NCALD: variants seen among roughly 807,000 people sequenced by gnomAD.
NCALD encodes the protein neurocalcin delta.
In NCALD, 10 loss-of-function variants were observed where a neutral mutation model predicts 18.6. That is an observed-to-expected ratio of 0.54 (90% CI 0.33 to 0.91). The LOEUF is 0.91. Ranked by LOEUF, NCALD falls within the 40% of genes least tolerant of loss-of-function variation. The pLI, the probability that NCALD is intolerant of heterozygous loss-of-function variation, is 0.03. For synonymous variants in NCALD, 88 were observed against 87.4 expected (o/e 1.01, Z -0.04); for missense variants, 184 against 247.6 (o/e 0.74, Z 1.72).
intron 4 of NCALD, among the ~76,000 whole-genome samples, chr8:101,834,063 C>G (rs1814303518): frequency 6.6e-6 from 1 of 152,140 alleles, no homozygotes; most frequent in Non-Finnish European, 1.5e-5. Flanking sequence ...TAACTGGCAA[C>G]AAAGATCTAG....
intron 4 of NCALD, among the ~76,000 whole-genome samples, chr8:101,868,217 C>A (rs1007425319): frequency 2.0e-5 from 3 of 152,038 alleles, no homozygotes; most frequent in African/African-American, 7.2e-5. Flanking sequence ...ACTTAGAGGG[C>A]CCCACTTTTG....
intron 4 of NCALD, among the ~76,000 whole-genome samples, chr8:101,876,899 G>A (rs478917): frequency 0.26 from 39,764 of 152,022 alleles, 5,602 homozygotes; most frequent in East Asian, 0.38. Flanking sequence ...ATCAGCCTCA[G>A]CAACCGATGA....
intron 1 of NCALD, among the ~76,000 whole-genome samples, chr8:101,730,612 C>T (rs920869021): frequency 2.0e-5 from 3 of 151,484 alleles, no homozygotes; most frequent in African/African-American, 4.9e-5. Context: ...ATCAATTGAG[C>T]ACTGCCCTTG....
chr8:101,988,867 G>A (rs1004303300), intron 2 of NCALD, among the ~76,000 whole-genome samples: 9 of 143,330 alleles, frequency 6.3e-5, no homozygotes, highest in African/African-American at 2.4e-4. Context: ...TGGGGAAGAT[G>A]GCTGGATAAA....
chr8:102,107,002 G>A (rs1457589624), intron 1 of NCALD, among the ~76,000 whole-genome samples: 1 of 151,406 alleles, frequency 6.6e-6, no homozygotes, highest in South Asian at 2.1e-4. Flanking sequence ...GTCCCCTTCT[G>A]TGAAAACCAC....
intron 4 of NCALD, among the ~76,000 whole-genome samples, chr8:101,881,848 A>C (rs1816504387): frequency 6.6e-6 from 1 of 151,960 alleles, no homozygotes; most frequent in Non-Finnish European, 1.5e-5. Context: ...GGATGTGAGA[A>C]TTATAGAACT....
At chr8:101,876,749 C>T (rs192039354) in intron 4 of NCALD, among the ~76,000 whole-genome samples, 41 of 152,266 alleles carry the variant, frequency 2.7e-4, no homozygotes, top group African/African-American at 9.6e-4. Context: ...GCTGCTGCTG[C>T]TCAAATAAAA....
At chr8:101,829,017 T>C (rs939622545) in intron 4 of NCALD, among the ~76,000 whole-genome samples, 3 of 151,988 alleles carry the variant, frequency 2.0e-5, no homozygotes, top group African/African-American at 7.3e-5. Flanking sequence ...TGTTATAGGA[T>C]TGCAGAGAGG....
chr8:102,041,394 G>A (rs1345780026), intron 1 of NCALD, among the ~76,000 whole-genome samples: 1 of 152,248 alleles, frequency 6.6e-6, no homozygotes, highest in African/African-American at 2.4e-5. Context: ...ACTGGAAGAT[G>A]TCCTAGAAGA....
intron 2 of NCALD, among the ~76,000 whole-genome samples, chr8:101,938,492 C>T (rs1191306552): frequency 6.6e-6 from 1 of 152,156 alleles, no homozygotes; most frequent in Non-Finnish European, 1.5e-5. Context: ...AGTCTAGTAA[C>T]AGTCTTGTTC....
intron 1 of NCALD, among the ~76,000 whole-genome samples, chr8:101,769,335 T>C (rs1251078076): frequency 6.6e-6 from 1 of 152,226 alleles, no homozygotes; most frequent in Non-Finnish European, 1.5e-5. Flanking sequence ...TTTATATCCA[T>C]ATAATGTCTC....
chr8:101,856,144 CTT>C (rs1428161053), intron 4 of NCALD, among the ~76,000 whole-genome samples: 1 of 152,080 alleles, frequency 6.6e-6, no homozygotes, highest in Non-Finnish European at 1.5e-5. Flanking sequence ...TTACCTGTCT[CTT>C]GTTTCGTTTG....
chr8:102,119,832 C>T (rs181814951), intron 1 of NCALD, among the ~76,000 whole-genome samples: 1 of 152,220 alleles, frequency 6.6e-6, no homozygotes, highest in Non-Finnish European at 1.5e-5. Context: ...CAGCCTGTAT[C>T]CCTACAACCT....
intron 2 of NCALD, among the ~76,000 whole-genome samples, chr8:101,956,650 A>T (rs544805400): frequency 2.6e-5 from 4 of 152,272 alleles, no homozygotes; most frequent in Admixed American, 1.3e-4. Context: ...ACACAGAGAG[A>T]GAGACTATCT....
At chr8:101,862,884 A>C (rs1815603219) in intron 4 of NCALD, among the ~76,000 whole-genome samples, 1 of 152,218 alleles carries the variant, frequency 6.6e-6, no homozygotes, top group Non-Finnish European at 1.5e-5. Flanking sequence ...TTAAGCACTT[A>C]CTGTCTTCCA....
intron 2 of NCALD, among the ~76,000 whole-genome samples, chr8:102,001,844 C>A (rs1000528468): frequency 6.6e-6 from 1 of 152,166 alleles, no homozygotes; most frequent in Non-Finnish European, 1.5e-5. Flanking sequence ...TTTGTCACCA[C>A]CAGGCCTAAC....
rs1811053192 is a variant in NCALD, at chr8:101,760,159, C to T, written c.-20+30703G>A. ...GAACATCTCTTCCCATTTCCTCCAGCAGAACACCTCAGATATTGACAATTT... is the reference window on the plus strand; with the variant it reads ...GAACATCTCTTCCCATTTCCTCCAGTAGAACACCTCAGATATTGACAATTT... On this transcript the variant is annotated intron_variant, in intron 1 of 3. Coordinates refer to ENST00000220931, the MANE Select transcript of NCALD (RefSeq NM_032041.3). Among the ~76,000 whole-genome samples the T allele has an allele frequency of 2.0e-5, 3 of 152,182 alleles. No homozygotes were observed. In the South Asian group the frequency reaches 6.2e-4, roughly 32 times the overall value.
chr8:101,699,220 C>G (rs1815145436), intron 2 of NCALD, among the ~76,000 whole-genome samples: 1 of 152,198 alleles, frequency 6.6e-6, no homozygotes, highest in African/African-American at 2.4e-5. Context: ...GATACCATCT[C>G]ATGCCAGTCA....
chr8:101,844,359 C>CTT (rs35559892), intron 4 of NCALD, among the ~76,000 whole-genome samples: 2 of 145,128 alleles, frequency 1.4e-5, no homozygotes, highest in Admixed American at 6.9e-5. Context: ...ACTCTAAATT[C>CTT]TTTTTTTTTT....
Sources: gnomAD v4.1 joint callset for allele counts (sites outside exome capture counted in the v4.1 genomes callset) on GRCh38, gnomAD v4.1.1 for gene constraint, MANE v1.5 for transcripts, NCBI Gene and HGNC (gene_info 2026-07-23, HGNC 2026-07-21) for gene names.